THRB: variants seen among roughly 807,000 people sequenced by gnomAD.
THRB encodes thyroid hormone receptor beta, also known as nuclear receptor subfamily 1 group A member 2.
A neutral mutation model predicts 47.8 loss-of-function variants in THRB; 12 were observed. The ratio of observed to expected loss-of-function variants is 0.25; its 90% CI spans 0.16 to 0.41. THRB has a LOEUF of 0.41. Among genes scored for constraint, THRB ranks in the 10% least tolerant of loss-of-function variants. The pLI, the probability that THRB is intolerant of heterozygous loss-of-function variation, is 1.00. For missense variants in THRB, 348 were observed against 589.2 expected, an observed-to-expected ratio of 0.59 and a Z score of 4.24; for synonymous variants, 218 against 212.2, an observed-to-expected ratio of 1.03 and a Z score of -0.24.
intron 3 of THRB, among the ~76,000 whole-genome samples, chr3:24,287,274 A>T (rs1300819971): frequency 6.6e-6 from 1 of 152,204 alleles, no homozygotes; most frequent in African/African-American, 2.4e-5. Flanking sequence ...TTACCTTAAA[A>T]ATCAGATTCC....
chr3:24,277,071 G>A (rs915357857), intron 3 of THRB, among the ~76,000 whole-genome samples: 1 of 152,138 alleles, frequency 6.6e-6, no homozygotes, highest in Non-Finnish European at 1.5e-5. Context: ...ATCTTACACT[G>A]GTAACAATCG....
chr3:24,335,914 C>T (rs2062219263), intron 2 of THRB, among the ~76,000 whole-genome samples: 1 of 152,084 alleles, frequency 6.6e-6, no homozygotes, highest in African/African-American at 2.4e-5. Context: ...CTGAGGTCAC[C>T]TTGATTGAGG....
chr3:24,163,056 T>C (rs1016118540), intron 5 of THRB, among the ~76,000 whole-genome samples: 1 of 152,066 alleles, frequency 6.6e-6, no homozygotes, highest in Admixed American at 6.6e-5. Flanking sequence ...TGAACACCTG[T>C]TTATGGTCTT....
intron 2 of THRB, chr3:24,318,538 T>C (rs1006342387): frequency 1.3e-5 from 2 of 152,240 alleles, no homozygotes; most frequent in African/African-American, 2.4e-5. Context: ...TCACATTGCA[T>C]GACAATTAGT....
chr3:24,300,592 G>T (rs925435165), intron 2 of THRB, among the ~76,000 whole-genome samples: 2 of 152,062 alleles, frequency 1.3e-5, no homozygotes, highest in African/African-American at 4.8e-5. Context: ...ATCTCCCTGT[G>T]TTTTTTATTA....
chr3:24,296,856 C>T (rs916352684), intron 3 of THRB, among the ~76,000 whole-genome samples: 1 of 152,192 alleles, frequency 6.6e-6, no homozygotes, highest in Admixed American at 6.5e-5. Context: ...GAACTGAGTA[C>T]TGATTTTGTG....
intron 6 of THRB, among the ~76,000 whole-genome samples, chr3:24,148,252 G>A (rs1306003208): frequency 6.6e-6 from 1 of 152,176 alleles, no homozygotes; most frequent in African/African-American, 2.4e-5. Context: ...TTAGCATCCA[G>A]AGTAGCTGGG....
intron 8 of THRB, among the ~76,000 whole-genome samples, chr3:24,142,278 T>A (rs1054394969): frequency 6.6e-6 from 1 of 152,236 alleles, no homozygotes; most frequent in African/African-American, 2.4e-5. Context: ...GAAAAGCACT[T>A]AGAATAGTAC....
intron 1 of THRB, among the ~76,000 whole-genome samples, chr3:24,372,701 C>T (rs1471932164): frequency 1.3e-5 from 2 of 152,112 alleles, no homozygotes; most frequent in African/African-American, 4.8e-5. Context: ...GCTTCTCTAA[C>T]CATCCCCATT....
chr3:24,236,164 A>G (rs1034762485), intron 3 of THRB, among the ~76,000 whole-genome samples: 1 of 152,180 alleles, frequency 6.6e-6, no homozygotes, highest in Non-Finnish European at 1.5e-5. Flanking sequence ...AGGGAGAGCT[A>G]TACATCAAAC....
chr3:24,214,953 CA>C (rs2149909921), intron 4 of THRB, among the ~76,000 whole-genome samples: 1 of 152,322 alleles, frequency 6.6e-6, no homozygotes, highest in African/African-American at 2.4e-5. Context: ...ATTATCACCC[CA>C]TCAAATCAAT....
chr3:24,481,229 G>GTGTTTTTTTT (rs1696316199), intron 1 of THRB, among the ~76,000 whole-genome samples: 8 of 55,366 alleles, frequency 1.4e-4, no homozygotes, highest in African/African-American at 5.4e-4. Context: ...GTTTCTTTCT[G>GTGTTTTTTTT]TTTTTTTTTT....
At chr3:24,264,971 T>C (rs1464716446) in intron 3 of THRB, among the ~76,000 whole-genome samples, 1 of 152,094 alleles carries the variant, frequency 6.6e-6, no homozygotes, top group African/African-American at 2.4e-5. Context: ...TACTTTTGAG[T>C]GATAACGCAT....
chr3:24,462,587 CA>C (rs1375614296), intron 1 of THRB, among the ~76,000 whole-genome samples: 1 of 152,138 alleles, frequency 6.6e-6, no homozygotes, highest in African/African-American at 2.4e-5. Flanking sequence ...CTTGGAGCTC[CA>C]AATCAAAACA....
At chr3:24,273,797 C>A (rs1181183955) in intron 3 of THRB, among the ~76,000 whole-genome samples, 5 of 152,070 alleles carry the variant, frequency 3.3e-5, no homozygotes, top group African/African-American at 1.2e-4. Context: ...CCGAACCCCC[C>A]CACCCCTCAA....
intron 1 of THRB, among the ~76,000 whole-genome samples, chr3:24,397,002 A>T (rs528382487): frequency 1.3e-5 from 2 of 152,248 alleles, no homozygotes; most frequent in South Asian, 4.1e-4. Flanking sequence ...TTCAAATACC[A>T]GTTTATGTGA....
intron 4 of THRB, among the ~76,000 whole-genome samples, chr3:24,207,937 T>C (rs1016287089): frequency 3.9e-4 from 59 of 152,182 alleles, no homozygotes; most frequent in African/African-American, 1.2e-3. Flanking sequence ...GATTGTATAT[T>C]TAGAAAACCC....
chr3:24,489,632 C>T (rs778549634), intron 1 of THRB, among the ~76,000 whole-genome samples: 3 of 152,142 alleles, frequency 2.0e-5, no homozygotes, highest in Non-Finnish European at 4.4e-5. Context: ...CTCAGTTTCT[C>T]AACTCAATAA....
At position 24,153,902 on chromosome 3, in the gene THRB, G is replaced by C. The variant is rs77762662; in HGVS notation, c.284-1412C>G. 3.9e-3 allele frequency among the ~76,000 whole-genome samples: 589 copies of C among 152,246 alleles called. 9 individuals carry two copies. The highest frequency in any genetic ancestry group is 0.031 in the East Asian group (163 of 5,184). ...TCTTTGTTCCAATAAAGATTAGCTA[G>C]GTTGAAATGACTGATGCCTTACTGT... On this transcript the variant is annotated intron_variant, in intron 5 of 10. Coordinates refer to ENST00000646209, the MANE Select transcript of THRB (RefSeq NM_001354712.2).
Sources: gnomAD v4.1 joint callset for allele counts (sites outside exome capture counted in the v4.1 genomes callset) on GRCh38, gnomAD v4.1.1 for gene constraint, MANE v1.5 for transcripts, NCBI Gene and HGNC (gene_info 2026-07-23, HGNC 2026-07-21) for gene names.